The following INPP5A variants were observed in gnomAD, a reference collection of about 807,000 sequenced individuals.
The protein encoded by INPP5A is inositol polyphosphate-5-phosphatase A.
Under a neutral mutation model 65.2 loss-of-function variants are expected in INPP5A, and 14 were observed. The observed-to-expected ratio is 0.21, with a 90% CI of 0.14 to 0.34. INPP5A has a LOEUF of 0.34. INPP5A is among the 10% of genes least tolerant of loss of function. INPP5A has a pLI of 1.00. For synonymous variants in INPP5A, 207 were observed against 208.3 expected (o/e 0.99, Z 0.05); for missense variants, 431 against 545.6 (o/e 0.79, Z 2.09).
At chr10:132,737,842 G>A (rs917601980) in intron 9 of INPP5A, among the ~76,000 whole-genome samples, 1 of 151,858 alleles carries the variant, frequency 6.6e-6, no homozygotes, top group African/African-American at 2.4e-5. Flanking sequence ...TTCTATATAG[G>A]GCCTATGACA....
rs867315516 is a variant in INPP5A at position 132,671,376 on chromosome 10, C to T, written c.307-19016C>T. Among the ~76,000 whole-genome samples the T allele has an allele frequency of 8.4e-3, 1,188 of 140,676 alleles. 32 individuals carry two copies. Among genetic ancestry groups the T allele is most frequent in the Admixed American group, 0.067 (815 of 12,240 alleles). 92.3% of individuals were successfully genotyped at this position (140,676 alleles called of 152,430 possible). A position where few individuals can be genotyped will look rare whatever the true frequency, so the allele number is the denominator to read the frequency against. ...GCTTCGGACTCCGCCCTCCCTGCTTCGGACTCCGCCCTCCCTGCTCTGGAC... is the reference window on the plus strand; with the variant it reads ...GCTTCGGACTCCGCCCTCCCTGCTTTGGACTCCGCCCTCCCTGCTCTGGAC... On this transcript the variant is annotated intron_variant, in intron 4 of 15. Coordinates refer to ENST00000368594, the MANE Select transcript of INPP5A (RefSeq NM_005539.5).
At chr10:132,750,069 G>A (rs1398999821) in intron 11 of INPP5A, among the ~76,000 whole-genome samples, 2 of 152,256 alleles carry the variant, frequency 1.3e-5, no homozygotes, top group Admixed American at 1.3e-4. Context: ...CTGTCCACGG[G>A]CAGCATGACA....
chr10:132,719,726 A>G (rs1484651072), intron 8 of INPP5A, among the ~76,000 whole-genome samples: 1 of 146,632 alleles, frequency 6.8e-6, no homozygotes, highest in East Asian at 2.1e-4. Flanking sequence ...GGCGCCTTAG[A>G]CGGCTGTCTT....
At chr10:132,634,890 CTCTG>C (rs1341312351) in intron 2 of INPP5A, among the ~76,000 whole-genome samples, 5 of 152,362 alleles carry the variant, frequency 3.3e-5, no homozygotes, top group African/African-American at 7.2e-5. Flanking sequence ...CCTGTTTGCT[CTCTG>C]TCTGTTTGTG....
chr10:132,694,072 A>G (rs1200026802), intron 5 of INPP5A, among the ~76,000 whole-genome samples: 1 of 152,210 alleles, frequency 6.6e-6, no homozygotes, highest in Non-Finnish European at 1.5e-5. Context: ...TAACAGCAGA[A>G]TCTACGTTTT....
At chr10:132,685,192 C>T (rs2073099140) in intron 4 of INPP5A, among the ~76,000 whole-genome samples, 1 of 152,228 alleles carries the variant, frequency 6.6e-6, no homozygotes, top group Non-Finnish European at 1.5e-5. Flanking sequence ...CACGGTCGGC[C>T]TTAGTCAGGG....
intron 1 of INPP5A, among the ~76,000 whole-genome samples, chr10:132,581,439 A>G (rs2071482501): frequency 6.6e-6 from 1 of 152,112 alleles, no homozygotes; most frequent in Non-Finnish European, 1.5e-5. Context: ...CCTGGAGTAG[A>G]TGTGCATTTA....
At chr10:132,639,216 G>A (rs532307718) in intron 2 of INPP5A, among the ~76,000 whole-genome samples, 4 of 151,974 alleles carry the variant, frequency 2.6e-5, no homozygotes, top group Non-Finnish European at 5.9e-5. Flanking sequence ...CCTGCTGGTG[G>A]AACATTTGCT....
chr10:132,666,054 C>A (rs1371578584), intron 4 of INPP5A, among the ~76,000 whole-genome samples: 119 of 136,108 alleles, frequency 8.7e-4, no homozygotes, highest in Middle Eastern at 3.8e-3. Context: ...GATCCTGTCT[C>A]AAAAAAAAAA....
Position 132,575,447 on chromosome 10 carries a change from C to T in INPP5A, c.76-32468C>T, listed in dbSNP as rs981152115. Among the ~76,000 whole-genome samples the T allele has an allele frequency of 2.0e-5, 3 of 152,070 alleles. No individual in the cohort carries two copies. The highest frequency in any genetic ancestry group is 1.9e-4 in the East Asian group (1 of 5,186). On this transcript the variant is annotated intron_variant, in intron 1 of 15. Coordinates refer to ENST00000368594, the MANE Select transcript of INPP5A (RefSeq NM_005539.5). This position sits in a 1 kb window ranked among gnomAD's most constrained non-coding sequence, Gnocchi z 5.4. Reference sequence around the variant, plus strand: ...GCACCAGGCACCACAGGGGCCTGCACGTCACTGTCAGTCTGGTTAAACATC... The same window carrying T: ...GCACCAGGCACCACAGGGGCCTGCATGTCACTGTCAGTCTGGTTAAACATC...
intron 1 of INPP5A, among the ~76,000 whole-genome samples, chr10:132,554,847 G>A (rs2071105414): frequency 6.6e-6 from 1 of 150,790 alleles, no homozygotes; most frequent in Admixed American, 6.6e-5. Flanking sequence ...CGGTGTGGGT[G>A]GTGTGATCAA....
chr10:132,755,349 T>A (rs1406711175), intron 11 of INPP5A, among the ~76,000 whole-genome samples: 1 of 148,974 alleles, frequency 6.7e-6, no homozygotes, highest in Non-Finnish European at 1.5e-5. Flanking sequence ...TGAGCGTGTG[T>A]GTGAGCAGAC....
chr10:132,604,695 A>C (rs1295869507), intron 1 of INPP5A, among the ~76,000 whole-genome samples: 3 of 152,236 alleles, frequency 2.0e-5, no homozygotes, highest in Admixed American at 2.0e-4. Context: ...AAGGAACATG[A>C]TGCAGCCTCA....
intron 4 of INPP5A, among the ~76,000 whole-genome samples, chr10:132,679,754 A>C (rs967973360): frequency 4.6e-5 from 7 of 152,252 alleles, no homozygotes; most frequent in Non-Finnish European, 8.8e-5. Flanking sequence ...ATTGCCAATA[A>C]TCTTAAAAAG....
rs1331748460 is a variant in INPP5A, at chr10:132,697,314, T to A, written c.371-502T>A. Among the ~76,000 whole-genome samples the A allele has an allele frequency of 2.0e-5, 3 of 151,962 alleles. No individual in the cohort carries two copies. The highest frequency in any genetic ancestry group is 4.4e-5 in the Non-Finnish European group (3 of 67,974). Reference sequence around the variant, plus strand: ...TGGGCCTGGCCTATCCACTGGGGGGTCCAGGAAAGGTGCCAAGCAGCCACT... The same window carrying A: ...TGGGCCTGGCCTATCCACTGGGGGGACCAGGAAAGGTGCCAAGCAGCCACT... On this transcript the variant is annotated intron_variant, in intron 5 of 15. Coordinates refer to ENST00000368594, the MANE Select transcript of INPP5A (RefSeq NM_005539.5). The surrounding 1 kb of genome is among the most constrained non-coding windows in gnomAD (Gnocchi z 5.6).
At chr10:132,572,786 GC>G (rs1466399397) in intron 1 of INPP5A, among the ~76,000 whole-genome samples, 1 of 152,176 alleles carries the variant, frequency 6.6e-6, no homozygotes, top group African/African-American at 2.4e-5. Context: ...CCCTGCCTCT[GC>G]TGGGCGTCTG....
Position 132,782,406 on chromosome 10 carries a change from G to T in INPP5A, c.*377G>T, listed in dbSNP as rs890058224. 15 of 296,716 alleles carry T rather than the reference G, an allele frequency of 5.1e-5. No individual in the cohort carries two copies. Among genetic ancestry groups the T allele is most frequent in the Non-Finnish European group, 7.8e-5 (12 of 153,388 alleles). The allele number at this position is 296,716 out of a possible 1,614,324, so 18.4% of individuals were successfully genotyped here. A position where few individuals can be genotyped will look rare whatever the true frequency, so the allele number is the denominator to read the frequency against. On this transcript the variant is annotated 3_prime_UTR_variant, in exon 16 of 16. Transcript: ENST00000368594. This position sits in a 1 kb window ranked among gnomAD's most constrained non-coding sequence, Gnocchi z 4.4. The stretch of plus-strand genomic sequence containing the variant: ...ACAGAGACCCCCCACTGTGTCCAGG[G>T]ACCCCCTCTGCCAGGTGGAGGTGTG...
intron 1 of INPP5A, among the ~76,000 whole-genome samples, chr10:132,539,088 C>T (rs2070877879): frequency 6.6e-6 from 1 of 152,162 alleles, no homozygotes; most frequent in South Asian, 2.1e-4. Context: ...GCCCCTGAAT[C>T]CTGAATCCTG....
intron 1 of INPP5A, among the ~76,000 whole-genome samples, chr10:132,559,629 A>G (rs1344954519): frequency 6.6e-6 from 1 of 151,952 alleles, no homozygotes; most frequent in Non-Finnish European, 1.5e-5. Flanking sequence ...CGTGTGTTCC[A>G]GGGACCTCAC....
Sources: allele counts gnomAD v4.1 joint callset (sites outside exome capture counted in the v4.1 genomes callset), GRCh38; gene constraint gnomAD v4.1.1; non-coding constraint Gnocchi (gnomAD v3.1); transcripts MANE v1.5; gene names NCBI Gene and HGNC (gene_info 2026-07-23, HGNC 2026-07-21).